VSTM1: variants seen among roughly 807,000 people sequenced by gnomAD.
The protein encoded by VSTM1 is V-set and transmembrane domain containing 1, also known as V-set and transmembrane domain-containing protein 1.
VSTM1 carries 27 observed loss-of-function variants against 33.1 expected under a neutral mutation model. That is an observed-to-expected ratio of 0.82 (90% CI 0.60 to 1.12). The LOEUF (loss-of-function observed/expected upper bound fraction) is 1.12, where lower values mean the gene tolerates loss of function less well. Ranked by LOEUF, VSTM1 falls within the 50% of genes most tolerant of loss-of-function variation. The pLI is 0.00. For missense variants in VSTM1, 304 were observed against 288.9 expected (o/e 1.05, Z -0.38); for synonymous variants, 115 against 110.3 (o/e 1.04, Z -0.27).
intron 1 of VSTM1, among the ~76,000 whole-genome samples, chr19:54,059,520 T>C (rs1198214901): frequency 1.3e-5 from 2 of 152,124 alleles, no homozygotes; most frequent in African/African-American, 4.8e-5. Flanking sequence ...CAGGCTGGAG[T>C]GCAGTGGTGC....
At chr19:54,061,672 C>G (rs1190807656) in intron 1 of VSTM1, among the ~76,000 whole-genome samples, 1 of 152,080 alleles carries the variant, frequency 6.6e-6, no homozygotes, top group African/African-American at 2.4e-5. Context: ...TTTAATTAGT[C>G]CAACATGGTG....
chr19:54,054,817 G>T (rs1386996153), intron 3 of VSTM1, among the ~76,000 whole-genome samples: 1 of 133,072 alleles, frequency 7.5e-6, no homozygotes, highest in Non-Finnish European at 1.6e-5. Context: ...GAATGGAAGG[G>T]TTGGTGGTTG....
rs1489357942 is a variant in VSTM1, at chr19:54,061,146, TA to T, written c.35-2415del. ...GATTTTCCTGCCTCAGCCTCCCGAG[TA>T]GCTGGGATTACAGGTCCTTGCCACC... On this transcript the variant is annotated intron_variant, in intron 1 of 8. Coordinates refer to ENST00000338372, the MANE Select transcript of VSTM1 (RefSeq NM_198481.4). 3.3e-5 allele frequency among the ~76,000 whole-genome samples: 5 copies of T among 150,962 alleles called. No individual in the cohort carries two copies. In the East Asian group the frequency reaches 9.7e-4, roughly 29 times the overall value.
At position 54,056,206 on chromosome 19, in the gene VSTM1, TTTCTTTTC is replaced by T. The variant is rs1485394046; in HGVS notation, c.355+2092_355+2099del. 3.4e-3 allele frequency among the ~76,000 whole-genome samples: 217 copies of T among 63,112 alleles called. 5 individuals are homozygous for T. The highest frequency in any genetic ancestry group is 0.03 in the Admixed American group (160 of 5,406). 41.4% of individuals were successfully genotyped at this position (63,112 alleles called of 152,430 possible). On this transcript the variant is annotated intron_variant, in intron 3 of 8. Transcript: ENST00000338372. Reference sequence around the variant, plus strand: ...TTTTTCTTTTCTTTCTTTCTTTTCTTTTCTTTTCTTTTTTTTTTTTTTTTTTTTTTTTT... The same window carrying T: ...TTTTTCTTTTCTTTCTTTCTTTTCTTTTTTTTTTTTTTTTTTTTTTTTTTT...
At chr19:54,053,191 T>C (rs1287486772) in intron 3 of VSTM1, among the ~76,000 whole-genome samples, 1 of 140,928 alleles carries the variant, frequency 7.1e-6, no homozygotes, top group Non-Finnish European at 1.6e-5. Context: ...CACTCACACT[T>C]CTGAGACTTT....
chr19:54,054,848 AATGGATGGATGG>A (rs74177847), intron 3 of VSTM1, among the ~76,000 whole-genome samples: 5 of 125,280 alleles, frequency 4.0e-5, no homozygotes, highest in Non-Finnish European at 8.6e-5. Context: ...TGGATAGATG[AATGGATGGATGG>A]ATGGATGGAT....
At chr19:54,042,022 GGGGAGAGGAA>G (rs2070306200) in intron 6 of VSTM1, 69 bp from the exon 7 acceptor site, 2 of 1,607,950 alleles carry the variant, frequency 1.2e-6, no homozygotes, top group South Asian at 2.2e-5. Context: ...GGGCAATGGA[GGGGAGAGGAA>G]GGGAGAAGAA....
chr19:54,060,798 C>T (rs2071354636), intron 1 of VSTM1, among the ~76,000 whole-genome samples: 1 of 151,732 alleles, frequency 6.6e-6, no homozygotes, highest in South Asian at 2.1e-4. Context: ...TCAAGTGATC[C>T]ATCCATCTCA....
intron 4 of VSTM1, among the ~76,000 whole-genome samples, chr19:54,049,969 T>C (rs1259354569): frequency 6.6e-6 from 1 of 151,038 alleles, no homozygotes; most frequent in African/African-American, 2.4e-5. Flanking sequence ...AGCCGAATGC[T>C]GCCAAAAGCT....
intron 8 of VSTM1, among the ~76,000 whole-genome samples, chr19:54,041,526 C>T (rs1186385505): frequency 6.6e-6 from 1 of 152,072 alleles, no homozygotes; most frequent in Non-Finnish European, 1.5e-5. Flanking sequence ...TGGTCTCGAT[C>T]TCCTGACCTC....
At chr19:54,045,763 G>A (rs1340286669) in intron 4 of VSTM1, among the ~76,000 whole-genome samples, 1 of 151,756 alleles carries the variant, frequency 6.6e-6, no homozygotes, top group Non-Finnish European at 1.5e-5. Context: ...AGGTATCTAT[G>A]TATCTATCTG....
At position 54,042,409 on chromosome 19, in the gene VSTM1, C is replaced by G. The variant is rs760803947; in HGVS notation, c.395-40G>C. The G allele has an allele frequency of 2.5e-6, 4 of 1,597,646 alleles. No individual in the cohort carries two copies. In the East Asian group the frequency reaches 6.8e-5, roughly 27 times the overall value. ...GCAGGTCAGGGAATCAGCCTGGCTC[C>G]TGAAATCCACTGATAGGGGCGAGCC... On this transcript the variant is annotated intron_variant, in intron 4 of 8. Coordinates refer to ENST00000338372, the MANE Select transcript of VSTM1 (RefSeq NM_198481.4).
chr19:54,052,312 G>C (rs1482209541), intron 3 of VSTM1, among the ~76,000 whole-genome samples: 5,841 of 114,630 alleles, frequency 0.051, 299 homozygotes, highest in Non-Finnish European at 0.057. Context: ...GCAGGAGAAT[G>C]GCGTGAACCC....
intron 3 of VSTM1, among the ~76,000 whole-genome samples, chr19:54,052,323 G>T (rs4806492): frequency 7.2e-6 from 1 of 139,094 alleles, no homozygotes; most frequent in Non-Finnish European, 1.6e-5. Context: ...GCGTGAACCC[G>T]GGAGGCGGAG....
Position 54,041,777 on chromosome 19 carries a change from A to C in VSTM1, c.591+2T>G. ...GTGGGACTCCTAAGCGGGAGGACTCACCGAGAGAGATACCCTTTCCATATT... is the reference window on the plus strand; with the variant it reads ...GTGGGACTCCTAAGCGGGAGGACTCCCCGAGAGAGATACCCTTTCCATATT... On this transcript the variant is annotated splice_donor_variant, in intron 8 of 8. Transcript: ENST00000338372. LOFTEE classifies it high-confidence loss of function. The C allele has an allele frequency of 1.2e-6, 2 of 1,613,338 alleles. No individual in the cohort carries two copies. The highest frequency in any genetic ancestry group is 1.1e-5 in the South Asian group (1 of 90,886).
At position 54,051,609 on chromosome 19, in the gene VSTM1, G is replaced by A. The variant is rs115462564; in HGVS notation, c.356-161C>T. ...GATGCTCCCTGGGTCCTCAGAGCATGGACAGAGCCTCAGATTACTCTTCTT... is the reference window on the plus strand; with the variant it reads ...GATGCTCCCTGGGTCCTCAGAGCATAGACAGAGCCTCAGATTACTCTTCTT... On this transcript the variant is annotated intron_variant, in intron 3 of 8. Coordinates refer to ENST00000338372, the MANE Select transcript of VSTM1 (RefSeq NM_198481.4). Among the ~76,000 whole-genome samples, 1,366 of 152,184 alleles carry A rather than the reference G, an allele frequency of 9.0e-3. 20 individuals are homozygous for A. The highest frequency in any genetic ancestry group is 0.031 in the African/African-American group (1,308 of 41,534).
chr19:54,052,533 T>A (rs1427714940), intron 3 of VSTM1, among the ~76,000 whole-genome samples: 1 of 142,686 alleles, frequency 7.0e-6, no homozygotes, highest in East Asian at 2.0e-4. Flanking sequence ...GAATTTGTCT[T>A]TCTGAGTCTG....
intron 4 of VSTM1, among the ~76,000 whole-genome samples, chr19:54,046,472 A>G (rs188847020): frequency 6.6e-6 from 1 of 152,300 alleles, no homozygotes; most frequent in African/African-American, 2.4e-5. Context: ...CGCTCAGTCT[A>G]GAAACTGACT....
intron 3 of VSTM1, among the ~76,000 whole-genome samples, chr19:54,056,181 TTTTTCTTTTCTTTCTTTC>T (rs2071076274): frequency 7.9e-6 from 1 of 126,238 alleles, no homozygotes; most frequent in Admixed American, 8.7e-5. Context: ...TCTTTTTTTG[TTTTTCTTTTCTTTCTTTC>T]TTTTCTTTTC....
Sources: allele counts gnomAD v4.1 joint callset (sites outside exome capture counted in the v4.1 genomes callset), GRCh38; gene constraint gnomAD v4.1.1; transcripts MANE v1.5; gene names NCBI Gene and HGNC (gene_info 2026-07-23, HGNC 2026-07-21).